ZMYND19: variants seen among roughly 807,000 people sequenced by gnomAD.
ZMYND19 encodes zinc finger MYND domain-containing protein 19.
Under a neutral mutation model 32.0 loss-of-function variants are expected in ZMYND19, and 17 were observed. The observed-to-expected ratio is 0.53, with a 90% confidence interval of 0.36 to 0.80. ZMYND19 has a LOEUF of 0.80. Ranked by LOEUF, ZMYND19 falls within the 30% of genes least tolerant of loss-of-function variation. ZMYND19 has a pLI of 0.00. For synonymous variants in ZMYND19, 124 were observed against 113.6 expected (o/e 1.09, Z -0.58); for missense variants, 250 against 293.6 (o/e 0.85, Z 1.09).
intron 4 of ZMYND19, 84 bp from the exon 5 acceptor site, chr9:137,583,247 G>T (rs758958209): frequency 1.4e-5 from 21 of 1,489,088 alleles, no homozygotes; most frequent in Non-Finnish European, 1.9e-5. Context: ...TCCATAGAGT[G>T]CCATCCTGCC....
In ZMYND19 at chr9:137,582,396, G is replaced by T; in HGVS notation, c.*147C>A. ...CACTGAGGGGCGCTGTAACCACACA[G>T]ACTGCCTGTGACATCGGGAGTCTCA... On this transcript the variant is annotated 3_prime_UTR_variant, in exon 6 of 6. Transcript: ENST00000298585. 1.7e-6 allele frequency: 2 copies of T among 1,159,262 alleles called. No homozygotes were observed. Among genetic ancestry groups the T allele is most frequent in the Non-Finnish European group, 2.4e-6 (2 of 837,946 alleles). 71.8% of individuals were successfully genotyped at this position (1,159,262 alleles called of 1,614,324 possible).
intron 4 of ZMYND19, among the ~76,000 whole-genome samples, chr9:137,586,276 GAAGGAAT>G: frequency 6.7e-6 from 1 of 149,950 alleles, no homozygotes; most frequent in Admixed American, 6.8e-5. Context: ...AGGAGAGAAG[GAAGGAAT>G]CCTGAGGTGA....
intron 3 of ZMYND19, chr9:137,587,489 C>T: frequency 3.3e-6 from 2 of 604,800 alleles, no homozygotes; most frequent in East Asian, 2.8e-5. Context: ...CCTCCAGAGG[C>T]TGCCGGTCCT....
chr9:137,582,891 A>G (rs1313485978), intron 5 of ZMYND19, 92 bp downstream of exon 5: 21 of 1,553,824 alleles, frequency 1.4e-5, no homozygotes, highest in Non-Finnish European at 1.7e-5. Context: ...TCTCTGGGGA[A>G]TGGGACCCCG....
At chr9:137,588,570 T>C in intron 2 of ZMYND19, 89 bp downstream of exon 2, 2 of 1,479,032 alleles carry the variant, frequency 1.4e-6, no homozygotes, top group Non-Finnish European at 1.9e-6. Context: ...CCGCCTGCTC[T>C]TGCAGCACAG....
intron 5 of ZMYND19, 85 bp downstream of exon 5, chr9:137,582,898 C>T: frequency 6.4e-7 from 1 of 1,562,264 alleles, no homozygotes; most frequent in Non-Finnish European, 8.7e-7. Context: ...GGAATGGGAC[C>T]CCGCGGTGGA....
Position 137,582,631 on chromosome 9 carries a change from T to C in ZMYND19, c.596A>G (p.Gln199Arg). Residue 199 changes from glutamine (Q) to arginine (R), a missense_variant, in exon 6 of 6, where the codon CAG (glutamine) becomes CGG (arginine). By Grantham distance (43) the Gln-to-Arg change is conservative (BLOSUM62 1). Transcript: ENST00000298585. ...RCQVARYCGSQCQQKDWPAHK... is the reference protein window; with the variant it reads ...RCQVARYCGSRCQQKDWPAHK... Reference sequence around the variant, plus strand: ...GGCAGGCCAGTCCTTCTGCTGGCACTGGGAGCCGCAGTACCGGGCCACCTG... The same window carrying C: ...GGCAGGCCAGTCCTTCTGCTGGCACCGGGAGCCGCAGTACCGGGCCACCTG... The C allele has an allele frequency of 1.2e-6, 2 of 1,613,532 alleles. No homozygotes were observed. The highest frequency in any genetic ancestry group is 1.7e-6 in the Non-Finnish European group (2 of 1,180,026).
intron 4 of ZMYND19, among the ~76,000 whole-genome samples, chr9:137,586,216 G>A (rs1348555386): frequency 1.3e-5 from 2 of 152,228 alleles, no homozygotes; most frequent in Admixed American, 6.5e-5. Context: ...TTTAGCAAAA[G>A]AACACAACAA....
chr9:137,589,755 C>T (rs770055014), intron 1 of ZMYND19: 59 of 985,506 alleles, frequency 6.0e-5, no homozygotes, highest in East Asian at 3.4e-4. Flanking sequence ...CACAGAAGAG[C>T]CCACACCAGA....
At chr9:137,582,721 G>A (rs1842161194) in intron 5 of ZMYND19, 35 bp from the exon 6 acceptor site, 1 of 1,604,484 alleles carries the variant, frequency 6.2e-7, no homozygotes, top group African/African-American at 1.3e-5. Flanking sequence ...TCACCATCAT[G>A]CCTGGGACGC....
intron 1 of ZMYND19, chr9:137,589,572 C>T: frequency 1.0e-6 from 1 of 985,444 alleles, no homozygotes; most frequent in Non-Finnish European, 1.2e-6. Context: ...GAATCCCCAG[C>T]CTCAAACGTG....
rs1215585517 is a variant in ZMYND19 at position 137,590,043 on chromosome 9, TGCACCCGCGCGGGGCCAGCAGCC to T, written c.51+147_51+169del. 5 of 983,990 alleles carry T rather than the reference TGCACCCGCGCGGGGCCAGCAGCC, an allele frequency of 5.1e-6. No homozygotes were observed. Among genetic ancestry groups the T allele is most frequent in the African/African-American group, 3.5e-5 (2 of 56,984 alleles). 61.0% of individuals were successfully genotyped at this position (983,990 alleles called of 1,614,324 possible). A position where few individuals can be genotyped will look rare whatever the true frequency, so the allele number is the denominator to read the frequency against. On this transcript the variant is annotated intron_variant, in intron 1 of 5. Coordinates refer to ENST00000298585, the MANE Select transcript of ZMYND19 (RefSeq NM_138462.3). The surrounding 1 kb of genome is among the most constrained non-coding windows in gnomAD (Gnocchi z 4.2). ...TGCCCGCCGGCCTGCGAGAGGAAGC[TGCACCCGCGCGGGGCCAGCAGCC>T]GGGCCCGCGCAGCGTCCCCCGCCCC...
rs115067770 is a variant in ZMYND19 at position 137,586,935 on chromosome 9, T to C, written c.359+32A>G. The C allele has an allele frequency of 5.7e-4, 914 of 1,610,236 alleles. 5 individuals carry two copies. In the African/African-American group the frequency reaches 0.011, roughly 20 times the overall value. On this transcript the variant is annotated intron_variant, in intron 4 of 5. Transcript: ENST00000298585. Reference sequence around the variant, plus strand: ...GGTGGCCCTCCTCAAAAGGCGCCTCTGCTGGCATCGCCAGGCCCTGAGAAG... The same window carrying C: ...GGTGGCCCTCCTCAAAAGGCGCCTCCGCTGGCATCGCCAGGCCCTGAGAAG...
At chr9:137,587,939 T>C (rs2133302398) in intron 2 of ZMYND19, 116 bp from the exon 3 acceptor site, 3 of 1,028,326 alleles carry the variant, frequency 2.9e-6, no homozygotes, top group Middle Eastern at 2.1e-4. Context: ...ATGCCAGCCC[T>C]GTCCCTGAGA....
chr9:137,588,958 G>A lies in ZMYND19; in HGVS notation c.52-240C>T, dbSNP rs1046661481. 51 of 511,440 alleles carry A rather than the reference G, an allele frequency of 1.0e-4. 1 individual carries two copies. Among genetic ancestry groups the A allele is most frequent in the Middle Eastern group, 5.2e-4 (1 of 1,910 alleles). The allele number at this position is 511,440 out of a possible 1,614,324, so 31.7% of individuals were successfully genotyped here. A position where few individuals can be genotyped will look rare whatever the true frequency, so the allele number is the denominator to read the frequency against. On this transcript the variant is annotated intron_variant, in intron 1 of 5. Transcript: ENST00000298585. ...AAGCCAGCTGCCCACTTTAGTCTGC[G>A]CCAGAGGAGCTGGTATCAGGCTTCA...
intron 5 of ZMYND19, 126 bp from the exon 6 acceptor site, chr9:137,582,812 C>T: frequency 6.6e-7 from 1 of 1,515,334 alleles, no homozygotes; most frequent in Non-Finnish European, 8.9e-7. Flanking sequence ...AGGGCCTGGG[C>T]CCTGGTCAGG....
intron 5 of ZMYND19, 98 bp downstream of exon 5, chr9:137,582,885 T>C: frequency 6.5e-7 from 1 of 1,548,880 alleles, no homozygotes; most frequent in Admixed American, 1.8e-5. Context: ...AAGCGGTCTC[T>C]GGGGAATGGG....
chr9:137,587,484 A>G (rs985920442), intron 3 of ZMYND19: 1 of 603,772 alleles, frequency 1.7e-6, no homozygotes, highest in Non-Finnish European at 2.9e-6. Flanking sequence ...CCGTCCCTCC[A>G]GAGGCTGCCG....
intron 4 of ZMYND19, among the ~76,000 whole-genome samples, chr9:137,583,845 A>G (rs1842173855): frequency 6.6e-6 from 1 of 152,268 alleles, no homozygotes. Context: ...TTCTGAAGAC[A>G]GAACAGGAAA....
Sources: gnomAD v4.1 joint callset for allele counts (sites outside exome capture counted in the v4.1 genomes callset) on GRCh38, gnomAD v4.1.1 for gene constraint, Gnocchi (gnomAD v3.1) non-coding constraint, MANE v1.5 for transcripts, NCBI Gene and HGNC (gene_info 2026-07-23, HGNC 2026-07-21) for gene names.